Variants in ZNF804B observed in about 807,000 individuals in gnomAD.
The protein encoded by ZNF804B is zinc finger protein 804B, also known as zinc finger 804B.
Under a neutral mutation model 101.4 loss-of-function variants are expected in ZNF804B, and 80 were observed. That is an observed-to-expected ratio of 0.79 (90% confidence interval 0.66 to 0.95). The LOEUF (loss-of-function observed/expected upper bound fraction) is 0.95, where lower values mean the gene tolerates loss of function less well. Among genes scored for constraint, ZNF804B ranks in the 40% least tolerant of loss-of-function variants. ZNF804B has a pLI of 0.00. For missense variants in ZNF804B, 1,673 were observed against 1,561.9 expected, an observed-to-expected ratio of 1.07 and a Z score of -1.20; for synonymous variants, 622 against 558.8, an observed-to-expected ratio of 1.11 and a Z score of -1.59.
rs953933377 is a variant in ZNF804B, at chr7:89,327,634, G to A, written c.380+160G>A. Among the ~76,000 whole-genome samples, 5 of 151,848 alleles carry A rather than the reference G, an allele frequency of 3.3e-5. No homozygotes were observed. In the South Asian group the frequency reaches 8.3e-4, roughly 25 times the overall value. The stretch of plus-strand genomic sequence containing the variant: ...AACATACATAAATTAATAACTTTTG[G>A]CCTTTGATATTTTTCTTTCCTAATA... On this transcript the variant is annotated intron_variant, in intron 3 of 3. Transcript: ENST00000333190.
chr7:89,180,702 T>G (rs1788284906), intron 1 of ZNF804B, among the ~76,000 whole-genome samples: 1 of 151,306 alleles, frequency 6.6e-6, no homozygotes, highest in Non-Finnish European at 1.5e-5. Flanking sequence ...GAAAATAGTC[T>G]CTCCTGGAAA....
chr7:89,164,983 T>C (rs1247744375), intron 1 of ZNF804B, among the ~76,000 whole-genome samples: 2 of 152,096 alleles, frequency 1.3e-5, no homozygotes, highest in Non-Finnish European at 2.9e-5. Context: ...CATTTCAAGG[T>C]ATACATTTCT....
intron 2 of ZNF804B, among the ~76,000 whole-genome samples, chr7:89,316,355 C>T (rs1790725654): frequency 6.6e-6 from 1 of 152,102 alleles, no homozygotes; most frequent in Admixed American, 6.6e-5. Context: ...CTGACAAAAT[C>T]TAATCAGGAA....
chr7:88,866,537 AG>A (rs1425359462), intron 1 of ZNF804B, among the ~76,000 whole-genome samples: 3 of 152,326 alleles, frequency 2.0e-5, no homozygotes, highest in Admixed American at 6.5e-5. Flanking sequence ...GAAGAGAAAG[AG>A]GTCACATTAA....
At chr7:88,776,780 A>ACCCCCCCCCCCC (rs10707553) in intron 1 of ZNF804B, among the ~76,000 whole-genome samples, 25 of 83,490 alleles carry the variant, frequency 3.0e-4, no homozygotes, top group Non-Finnish European at 4.8e-4. Flanking sequence ...TAACCCATAA[A>ACCCCCCCCCCCC]CCCCCCCCCC....
At chr7:88,950,273 T>C (rs1793198170) in intron 1 of ZNF804B, among the ~76,000 whole-genome samples, 1 of 151,958 alleles carries the variant, frequency 6.6e-6, no homozygotes, top group Non-Finnish European at 1.5e-5. Flanking sequence ...TTAATTGCAC[T>C]GTAATTAATT....
intron 1 of ZNF804B, among the ~76,000 whole-genome samples, chr7:89,068,796 T>C (rs1789493452): frequency 6.6e-6 from 1 of 152,182 alleles, no homozygotes. Flanking sequence ...AAAGCACCAG[T>C]GTTTTGTTAG....
At chr7:88,980,648 CCTTA>C (rs1263025021) in intron 1 of ZNF804B, among the ~76,000 whole-genome samples, 2 of 151,972 alleles carry the variant, frequency 1.3e-5, no homozygotes, top group East Asian at 1.9e-4. Flanking sequence ...TGTTTCTTTC[CCTTA>C]CTTTCCTTCA....
chr7:89,175,934 G>A (rs55645886), intron 1 of ZNF804B, among the ~76,000 whole-genome samples: 30,595 of 151,704 alleles, frequency 0.2, 3,289 homozygotes, highest in Non-Finnish European at 0.23. Flanking sequence ...TAATGAATTT[G>A]TTGATTAGTT....
chr7:89,259,593 C>G (rs1029876517), intron 2 of ZNF804B, among the ~76,000 whole-genome samples: 1 of 152,090 alleles, frequency 6.6e-6, no homozygotes, highest in African/African-American at 2.4e-5. Flanking sequence ...GTGTAATGAG[C>G]CTTAAGCGTC....
intron 1 of ZNF804B, among the ~76,000 whole-genome samples, chr7:89,124,654 C>T (rs1467229574): frequency 3.3e-5 from 5 of 152,098 alleles, no homozygotes; most frequent in African/African-American, 1.2e-4. Flanking sequence ...AGCGCTATCA[C>T]CCTGTCTCAA....
chr7:88,846,599 T>C (rs1357083803), intron 1 of ZNF804B, among the ~76,000 whole-genome samples: 3 of 152,060 alleles, frequency 2.0e-5, no homozygotes, highest in African/African-American at 7.2e-5. Flanking sequence ...GCTCAACTGC[T>C]CACACACAAT....
At chr7:88,795,054 A>G (rs1790458242) in intron 1 of ZNF804B, 1 of 752,824 alleles carries the variant, frequency 1.3e-6, no homozygotes, top group Non-Finnish European at 1.8e-6. Flanking sequence ...CTTCTGACAA[A>G]AAAAAAAAGA....
At chr7:88,999,393 G>C (rs1013966575) in intron 1 of ZNF804B, among the ~76,000 whole-genome samples, 1 of 151,962 alleles carries the variant, frequency 6.6e-6, no homozygotes, top group African/African-American at 2.4e-5. Flanking sequence ...AATTCTTACA[G>C]ATTTAAATTG....
chr7:88,870,210 C>T (rs1419801622), intron 1 of ZNF804B, among the ~76,000 whole-genome samples: 1 of 150,730 alleles, frequency 6.6e-6, no homozygotes, highest in South Asian at 2.1e-4. Flanking sequence ...CACGGTGAAA[C>T]CCCGTCTCTA....
intron 1 of ZNF804B, among the ~76,000 whole-genome samples, chr7:89,210,000 T>C (rs1216036761): frequency 6.6e-6 from 1 of 151,812 alleles, no homozygotes; most frequent in East Asian, 1.9e-4. Context: ...AATACAAAAA[T>C]TAGCTGAGCG....
chr7:89,256,540 C>CAAA (rs71526639), intron 2 of ZNF804B, among the ~76,000 whole-genome samples: 2 of 118,854 alleles, frequency 1.7e-5, no homozygotes, highest in Non-Finnish European at 1.8e-5. Flanking sequence ...GCAAGACTGT[C>CAAA]AAAAAAAAAA....
chr7:88,850,756 CA>C (rs762195454), intron 1 of ZNF804B, among the ~76,000 whole-genome samples: 2 of 152,042 alleles, frequency 1.3e-5, no homozygotes, highest in African/African-American at 4.8e-5. Context: ...GAATGGCATT[CA>C]AACAAGAAGT....
At chr7:89,007,348 A>G (rs1788380956) in intron 1 of ZNF804B, among the ~76,000 whole-genome samples, 1 of 149,158 alleles carries the variant, frequency 6.7e-6, no homozygotes, top group Admixed American at 6.8e-5. Flanking sequence ...AATCCAGCTC[A>G]CAAGGTTAGG....
Sources: allele counts gnomAD v4.1 joint callset (sites outside exome capture counted in the v4.1 genomes callset), GRCh38; gene constraint gnomAD v4.1.1; transcripts MANE v1.5; gene names NCBI Gene and HGNC (gene_info 2026-07-23, HGNC 2026-07-21).